Variants in ALDH5A1 observed in about 807,000 individuals in gnomAD.
ALDH5A1 encodes the protein succinate-semialdehyde dehydrogenase, mitochondrial.
A neutral mutation model predicts 54.7 loss-of-function variants in ALDH5A1; 33 were observed. The ratio of observed to expected loss-of-function variants is 0.60; its 90% CI spans 0.46 to 0.81. The LOEUF is 0.81. ALDH5A1 is among the 30% of genes least tolerant of loss of function. The pLI, the probability that ALDH5A1 is intolerant of heterozygous loss-of-function variation, is 0.00. For missense variants in ALDH5A1, 657 were observed against 711.0 expected, an observed-to-expected ratio of 0.92 and a Z score of 0.86; for synonymous variants, 294 against 292.7, an observed-to-expected ratio of 1.00 and a Z score of -0.05.
At chr6:24,495,441 C>A in intron 1 of ALDH5A1, 91 bp downstream of exon 1, 1 of 1,285,180 alleles carries the variant, frequency 7.8e-7, no homozygotes, top group South Asian at 1.4e-5. Context: ...CCAGCCGCGT[C>A]GCCTCCCTCC....
rs994408730 is a variant in ALDH5A1, at chr6:24,527,303, G to A, written c.1174-694G>A. On this transcript the variant is annotated intron_variant, in intron 7 of 9. Coordinates refer to ENST00000357578, the MANE Select transcript of ALDH5A1 (RefSeq NM_001080.3). ...TAAAACAACTACTTGGCCAGGCCTCGTGGCTCACTCCTGTAATCCCAGCAC... is the reference window on the plus strand; with the variant it reads ...TAAAACAACTACTTGGCCAGGCCTCATGGCTCACTCCTGTAATCCCAGCAC... 7.9e-5 allele frequency among the ~76,000 whole-genome samples: 12 copies of A among 152,142 alleles called. No homozygotes were observed. In the East Asian group the frequency reaches 1.7e-3, roughly 22 times the overall value.
rs199500997 is a variant in ALDH5A1 at position 24,528,131 on chromosome 6, T to C, written c.1308T>C (p.His436=). ...TCACCCAGGACATGCTGTGCACTCATGAAGAGACTTTCGGGCCTCTGGCAC... is the reference window on the plus strand; with the variant it reads ...TCACCCAGGACATGCTGTGCACTCACGAAGAGACTTTCGGGCCTCTGGCAC... The part of the protein sequence containing the change: ...CNVTQDMLCT[H]EETFGPLAPV... The change falls in exon 8 of 10, where the codon CAT becomes CAC. Residue 436 remains histidine (H), a synonymous_variant. Transcript: ENST00000357578. 4 of 1,613,864 alleles carry C rather than the reference T, an allele frequency of 2.5e-6. No individual in the cohort carries two copies. Among genetic ancestry groups the C allele is most frequent in the Non-Finnish European group, 2.5e-6 (3 of 1,179,928 alleles).
intron 1 of ALDH5A1, among the ~76,000 whole-genome samples, chr6:24,501,720 A>T (rs1764821012): frequency 6.6e-6 from 1 of 151,972 alleles, no homozygotes; most frequent in African/African-American, 2.4e-5. Flanking sequence ...CTTTTTTAAA[A>T]TTTTTTTAAA....
At chr6:24,497,846 T>G (rs955334391) in intron 1 of ALDH5A1, among the ~76,000 whole-genome samples, 17 of 152,120 alleles carry the variant, frequency 1.1e-4, no homozygotes, top group African/African-American at 3.9e-4. Context: ...TAAGCAGAGA[T>G]ATGATCTGAT....
At chr6:24,505,016 C>T in intron 4 of ALDH5A1, 31 bp downstream of exon 4, 4 of 1,606,680 alleles carry the variant, frequency 2.5e-6, no homozygotes, top group Admixed American at 3.3e-5. Context: ...TTGTACAAAG[C>T]AGACAAAGTT....
Position 24,518,966 on chromosome 6 carries a change from G to T in ALDH5A1, c.871-1435G>T, listed in dbSNP as rs1759623868. 6.6e-6 allele frequency among the ~76,000 whole-genome samples: 1 copy of T among 152,138 alleles called. No individual in the cohort carries two copies. The highest frequency in any genetic ancestry group is 1.5e-5 in the Non-Finnish European group (1 of 68,036). On this transcript the variant is annotated intron_variant, in intron 5 of 9. Coordinates refer to ENST00000357578, the MANE Select transcript of ALDH5A1 (RefSeq NM_001080.3). The surrounding 1 kb of genome is among the most constrained non-coding windows in gnomAD (Gnocchi z 4.2). ...TAAACATCCCTAAGCAGCTTCTTAG[G>T]CTATGAAATCTCTTACTGGATATTT...
At chr6:24,530,038 CTTCCT>C (rs1328158865) in intron 8 of ALDH5A1, among the ~76,000 whole-genome samples, 1 of 151,998 alleles carries the variant, frequency 6.6e-6, no homozygotes, top group Non-Finnish European at 1.5e-5. Flanking sequence ...AGATATTCTT[CTTCCT>C]TTCATTTATG....
chr6:24,508,388 AGATT>A (rs1296033218), intron 4 of ALDH5A1, among the ~76,000 whole-genome samples: 1,216 of 106,938 alleles, frequency 0.011, 213 homozygotes, highest in African/African-American at 0.043. Flanking sequence ...AAAAAAAAAA[AGATT>A]AATAGTCTCT....
chr6:24,498,705 T>C (rs1764758894), intron 1 of ALDH5A1, among the ~76,000 whole-genome samples: 1 of 152,228 alleles, frequency 6.6e-6, no homozygotes, highest in Non-Finnish European at 1.5e-5. Flanking sequence ...GGCTAACGCC[T>C]GTAATCCCAG....
chr6:24,496,115 A>T (rs1258850650), intron 1 of ALDH5A1, among the ~76,000 whole-genome samples: 2 of 152,112 alleles, frequency 1.3e-5, no homozygotes, highest in Non-Finnish European at 2.9e-5. Flanking sequence ...CTCTGAAGGA[A>T]TGCATCCAGC....
At chr6:24,502,938 T>C (rs1170191657) in intron 2 of ALDH5A1, among the ~76,000 whole-genome samples, 2 of 152,062 alleles carry the variant, frequency 1.3e-5, no homozygotes, top group African/African-American at 2.4e-5. Context: ...CATTTTTTAA[T>C]GTACCAATAC....
chr6:24,513,279 G>A (rs1759497227), intron 4 of ALDH5A1, among the ~76,000 whole-genome samples: 1 of 151,906 alleles, frequency 6.6e-6, no homozygotes, highest in Non-Finnish European at 1.5e-5. Context: ...TGCGTAGCCT[G>A]GTATAGAACT....
chr6:24,520,805 C>T (rs575823223), intron 6 of ALDH5A1, among the ~76,000 whole-genome samples: 1 of 152,302 alleles, frequency 6.6e-6, no homozygotes, highest in African/African-American at 2.4e-5. Flanking sequence ...ATACTAGGCT[C>T]AGAGGGGCCC....
At chr6:24,522,250 C>T (rs569374149) in intron 6 of ALDH5A1, among the ~76,000 whole-genome samples, 2 of 152,236 alleles carry the variant, frequency 1.3e-5, no homozygotes, top group Admixed American at 1.3e-4. Context: ...GTCAAGGCTG[C>T]AGTGAACTCA....
intron 7 of ALDH5A1, among the ~76,000 whole-genome samples, chr6:24,527,401 G>A (rs1211177080): frequency 6.6e-6 from 1 of 151,998 alleles, no homozygotes; most frequent in African/African-American, 2.4e-5. Context: ...ATGAAACCCT[G>A]TCTCTTCTAA....
intron 1 of ALDH5A1, among the ~76,000 whole-genome samples, chr6:24,495,680 A>AAGGGGAGGGGTGTC (rs1243210141): frequency 1.3e-5 from 2 of 152,112 alleles, no homozygotes; most frequent in Non-Finnish European, 1.5e-5. Flanking sequence ...GGCGGGGAGA[A>AAGGGGAGGGGTGTC]AGGGGAGGGG....
chr6:24,529,074 T>C (rs1581824808), intron 8 of ALDH5A1, among the ~76,000 whole-genome samples: 1 of 152,326 alleles, frequency 6.6e-6, no homozygotes, highest in East Asian at 1.9e-4. Context: ...TGGTCTTTTA[T>C]CTCCCATTCA....
At chr6:24,531,873 T>A (rs562899705) in intron 8 of ALDH5A1, 2 of 542,452 alleles carry the variant, frequency 3.7e-6, no homozygotes, top group Non-Finnish European at 6.6e-6. Context: ...GTTCCCTACA[T>A]GTTGGTCTGC....
chr6:24,517,543 G>A (rs1004900287), intron 5 of ALDH5A1, among the ~76,000 whole-genome samples: 12 of 152,212 alleles, frequency 7.9e-5, no homozygotes, highest in Admixed American at 2.6e-4. Context: ...GGGAGAAAGC[G>A]TTGTAAATCC....
Sources: gnomAD v4.1 joint callset for allele counts (sites outside exome capture counted in the v4.1 genomes callset) on GRCh38, gnomAD v4.1.1 for gene constraint, Gnocchi (gnomAD v3.1) non-coding constraint, MANE v1.5 for transcripts, NCBI Gene and HGNC (gene_info 2026-07-23, HGNC 2026-07-21) for gene names.